The following PIK3IP1 variants were observed in gnomAD, a reference collection of about 807,000 sequenced individuals.
PIK3IP1 encodes phosphoinositide-3-kinase-interacting protein 1.
PIK3IP1 carries 28 observed loss-of-function variants against 30.7 expected under a neutral mutation model. That is an observed-to-expected ratio of 0.91 (90% CI 0.68 to 1.25). The LOEUF (loss-of-function observed/expected upper bound fraction) is 1.25, where lower values mean the gene tolerates loss of function less well. Among genes scored for constraint, PIK3IP1 ranks in the 50% most tolerant of loss-of-function variants. The probability of loss-of-function intolerance (pLI) is 0.00; values close to 1 mark genes in which losing one functional copy is unlikely to be tolerated. For synonymous variants in PIK3IP1, 159 were observed against 140.8 expected, an observed-to-expected ratio of 1.13 and a Z score of -0.91; for missense variants, 333 against 346.2, an observed-to-expected ratio of 0.96 and a Z score of 0.30.
chr22:31,287,393 C>A (rs1343227031), intron 5 of PIK3IP1, among the ~76,000 whole-genome samples: 3 of 143,810 alleles, frequency 2.1e-5, no homozygotes, highest in Non-Finnish European at 3.0e-5. Flanking sequence ...TGCAGTGGCA[C>A]AATCTCGGCT....
At chr22:31,286,209 G>T (rs934340571) in intron 5 of PIK3IP1, among the ~76,000 whole-genome samples, 2 of 151,996 alleles carry the variant, frequency 1.3e-5, no homozygotes, top group Non-Finnish European at 2.9e-5. Flanking sequence ...TACTTATTAA[G>T]AAAGCATGAA....
Position 31,292,470 on chromosome 22 carries a change from A to C in PIK3IP1, c.-126T>G, listed in dbSNP as rs1601464830. On this transcript the variant is annotated 5_prime_UTR_variant, in exon 1 of 6. Coordinates refer to ENST00000215912, the MANE Select transcript of PIK3IP1 (RefSeq NM_052880.5). ...TGCCCTTGTTATGCTGTTCTGGTAA[A>C]CAGCCTCTCTTTAGAACTGGGAGCT... The C allele has an allele frequency of 1.3e-6, 1 of 742,112 alleles. No individual in the cohort carries two copies. 46.0% of individuals were successfully genotyped at this position (742,112 alleles called of 1,614,324 possible). A position where few individuals can be genotyped will look rare whatever the true frequency, so the allele number is the denominator to read the frequency against.
intron 5 of PIK3IP1, 107 bp downstream of exon 5, chr22:31,289,208 G>A: frequency 9.1e-7 from 1 of 1,103,516 alleles, no homozygotes; most frequent in Non-Finnish European, 1.4e-6. Context: ...TACATCTTGA[G>A]CTGATTTTCA....
Position 31,283,263 on chromosome 22 carries a change from C to A in PIK3IP1, c.613G>T (p.Asp205Tyr), listed in dbSNP as rs1411094385. Reference protein sequence around the residue: ...KRGKDLKEQHDQKVCEREMQR... With the variant: ...KRGKDLKEQHYQKVCEREMQR... ...ATCTCCCTCTCACATACTTTCTGAT[C>A]ATGCTGTTCTTTCAAATCCTTCCCC... The change falls in exon 6 of 6, where the codon GAT becomes TAT. Residue 205 changes from aspartate (D) to tyrosine (Y), a missense_variant. By Grantham distance (160) the Asp-to-Tyr change is radical. Around this residue, in one of 3 missense-constraint regions of PIK3IP1, gnomAD observed 217 missense variants for 227.7 expected, o/e 0.95. Coordinates refer to ENST00000215912, the MANE Select transcript of PIK3IP1 (RefSeq NM_052880.5). 1 of 1,614,016 alleles carries A rather than the reference C, an allele frequency of 6.2e-7. No individual in the cohort carries two copies. The highest frequency in any genetic ancestry group is 1.1e-5 in the South Asian group (1 of 91,076).
intron 1 of PIK3IP1, 137 bp downstream of exon 1, chr22:31,292,138 G>A (rs1417033434): frequency 5.1e-6 from 4 of 781,940 alleles, no homozygotes; most frequent in East Asian, 5.2e-5. Context: ...GAAAGGAGGG[G>A]TGGAAAAGCT....
chr22:31,291,793 C>T (rs2049182003), intron 1 of PIK3IP1, among the ~76,000 whole-genome samples: 1 of 59,780 alleles, frequency 1.7e-5, no homozygotes, highest in Non-Finnish European at 2.8e-5. Flanking sequence ...CCACCTTCTG[C>T]CCGTTTAAAA....
At position 31,289,550 on chromosome 22, in the gene PIK3IP1, T is replaced by G. The variant is rs1393496993; in HGVS notation, c.457A>C (p.Ser153Arg). The change falls in exon 4 of 6, where the codon AGC (serine) becomes CGC (arginine). Residue 153 changes from serine (S) to arginine (R), a missense_variant. Transcript: ENST00000215912. Reference sequence around the variant, plus strand: ...TTGGAGTTCATCCGCACCCGCTGGCTGATCCCAATCACTGGCTGCACAGCT... The same window carrying G: ...TTGGAGTTCATCCGCACCCGCTGGCGGATCCCAATCACTGGCTGCACAGCT... ...AAAVQPVIGI[S>R]QRVRMNSKEK... 21 of 1,556,684 alleles carry G rather than the reference T, an allele frequency of 1.3e-5. No homozygotes were observed. The highest frequency in any genetic ancestry group is 1.8e-5 in the Non-Finnish European group (21 of 1,148,242).
intron 5 of PIK3IP1, among the ~76,000 whole-genome samples, chr22:31,287,725 C>G (rs5749248): frequency 1.1e-4 from 16 of 151,918 alleles, no homozygotes; most frequent in Admixed American, 2.0e-4. Flanking sequence ...AGCTCCACAC[C>G]ATGATGTGGA....
intron 5 of PIK3IP1, among the ~76,000 whole-genome samples, chr22:31,287,114 C>T (rs996222363): frequency 2.1e-5 from 3 of 146,094 alleles, no homozygotes; most frequent in African/African-American, 7.6e-5. Context: ...ACTTCCCAGG[C>T]TCAGGTGATC....
At chr22:31,290,908 C>T in intron 3 of PIK3IP1, 57 bp downstream of exon 3, 2 of 1,512,790 alleles carry the variant, frequency 1.3e-6, no homozygotes, top group Non-Finnish European at 8.8e-7. Flanking sequence ...CCACGAGTGT[C>T]TCAGCCGCTT....
At position 31,289,719 on chromosome 22, in the gene PIK3IP1, C is replaced by G; in HGVS notation, c.308-20G>C. 6.4e-7 allele frequency: 1 copy of G among 1,551,492 alleles called. No individual in the cohort carries two copies. The highest frequency in any genetic ancestry group is 2.0e-5 in the Admixed American group (1 of 50,998). On this transcript the variant is annotated intron_variant, in intron 3 of 5. Coordinates refer to ENST00000215912, the MANE Select transcript of PIK3IP1 (RefSeq NM_052880.5). Reference sequence around the variant, plus strand: ...TGGTCTCTGGAGATGAGGTGGGAAACAGCTCTCATCAGGGACTGCCCTGAG... The same window carrying G: ...TGGTCTCTGGAGATGAGGTGGGAAAGAGCTCTCATCAGGGACTGCCCTGAG...
At chr22:31,289,190 C>CT in intron 5 of PIK3IP1, 125 bp downstream of exon 5, 1 of 923,084 alleles carries the variant, frequency 1.1e-6, no homozygotes, top group Non-Finnish European at 1.7e-6. Context: ...AGACTAGGAC[C>CT]AAGTCTCTAC....
At chr22:31,291,351 C>T (rs2049177346) in intron 1 of PIK3IP1, 55 bp from the exon 2 acceptor site, 1 of 1,513,260 alleles carries the variant, frequency 6.6e-7, no homozygotes, top group Non-Finnish European at 9.0e-7. Flanking sequence ...ACGGAAGACG[C>T]CCAGCGTGGC....
At position 31,289,407 on chromosome 22, in the gene PIK3IP1, G is replaced by GAC; in HGVS notation, c.509-16_509-15dup. 1.3e-6 allele frequency: 2 copies of GAC among 1,596,874 alleles called. No individual in the cohort carries two copies. Among genetic ancestry groups the GAC allele is most frequent in the Non-Finnish European group, 1.7e-6 (2 of 1,171,684 alleles). ...CCAGCACGTAGCCTGCCAAGGATAG[G>GAC]ACACAAGGTCCCATTAGCCACACCC... On this transcript the variant is annotated splice_polypyrimidine_tract_variant and intron_variant, in intron 4 of 5. Coordinates refer to ENST00000215912, the MANE Select transcript of PIK3IP1 (RefSeq NM_052880.5).
At chr22:31,286,104 C>T (rs1316891907) in intron 5 of PIK3IP1, among the ~76,000 whole-genome samples, 6 of 150,106 alleles carry the variant, frequency 4.0e-5, no homozygotes, top group East Asian at 3.9e-4. Context: ...ACCCAGGAGG[C>T]GGCGGTTGCA....
downstream of PIK3IP1, chr22:31,281,599 C>CT (rs11301764): frequency 5.5e-3 from 808 of 147,730 alleles, 8 homozygotes; most frequent in East Asian, 0.017. Flanking sequence ...AATGTGGAGT[C>CT]TTTTTTTTTT....
intron 3 of PIK3IP1, chr22:31,290,421 T>G (rs138517279): frequency 6.6e-6 from 1 of 152,578 alleles, no homozygotes; most frequent in Non-Finnish European, 1.5e-5. Context: ...AATGCTTTAT[T>G]TTGATTATCC....
At chr22:31,285,778 T>A (rs2049126643) in intron 5 of PIK3IP1, among the ~76,000 whole-genome samples, 2 of 152,206 alleles carry the variant, frequency 1.3e-5, no homozygotes, top group South Asian at 4.1e-4. Flanking sequence ...AGACATACAT[T>A]ACTAGCTGTG....
rs2049172435 is a variant in PIK3IP1, at chr22:31,290,975, C to G, written c.297G>C (p.Leu99=). 4 of 1,604,814 alleles carry G rather than the reference C, an allele frequency of 2.5e-6. No individual in the cohort carries two copies. Among genetic ancestry groups the G allele is most frequent in the Non-Finnish European group, 2.5e-6 (3 of 1,176,740 alleles). The change falls in exon 3 of 6, where the codon CTG becomes CTC. Residue 99 remains leucine, a synonymous_variant. Transcript: ENST00000215912. ...GTCCCGGGCAGGTACCTGGACAGCGCAGGTCCTCGCAAGGCCGTTTCTCAG... is the reference window on the plus strand; with the variant it reads ...GTCCCGGGCAGGTACCTGGACAGCGGAGGTCCTCGCAAGGCCGTTTCTCAG... The part of the protein sequence containing the change: ...GVPEKRPCED[L]RCPETTSQAL...
Sources: gnomAD v4.1 joint callset for allele counts (sites outside exome capture counted in the v4.1 genomes callset) on GRCh38, gnomAD v4.1.1 for gene constraint, gnomAD v4.1.1 regional missense constraint, MANE v1.5 for transcripts, NCBI Gene and HGNC (gene_info 2026-07-23, HGNC 2026-07-21) for gene names.